The following TBCK variants were observed in gnomAD, a reference collection of about 807,000 sequenced individuals.
TBCK encodes the protein TBC1 domain containing kinase.
Under a neutral mutation model 113.4 loss-of-function variants are expected in TBCK, and 99 were observed. The ratio of observed to expected loss-of-function variants is 0.87; its 90% CI spans 0.74 to 1.03. The LOEUF (loss-of-function observed/expected upper bound fraction) is 1.03. Among genes scored for constraint, TBCK ranks in the 50% least tolerant of loss-of-function variants. The pLI is 0.00. For synonymous variants in TBCK, 369 were observed against 370.8 expected (o/e 1.00, Z 0.05); for missense variants, 1,045 against 1,061.3 (o/e 0.98, Z 0.21).
intron 25 of TBCK, among the ~76,000 whole-genome samples, chr4:106,081,504 C>A (rs1738870107): frequency 6.6e-6 from 1 of 152,120 alleles, no homozygotes; most frequent in Middle Eastern, 3.2e-3. Context: ...GAACAACACA[C>A]ACTGGGGCCT....
At chr4:106,269,968 T>TCA (rs1276397433) in intron 3 of TBCK, among the ~76,000 whole-genome samples, 1 of 152,108 alleles carries the variant, frequency 6.6e-6, no homozygotes, top group East Asian at 1.9e-4. Flanking sequence ...TGTTCCAACT[T>TCA]CACCCTGCCT....
chr4:106,200,059 ATCT>A (rs1412432495), intron 20 of TBCK, among the ~76,000 whole-genome samples: 5 of 152,084 alleles, frequency 3.3e-5, no homozygotes, highest in Non-Finnish European at 7.4e-5. Context: ...ATTTGACCTT[ATCT>A]TCTTGTTCAC....
chr4:106,217,266 G>T (rs1360772971), intron 19 of TBCK, among the ~76,000 whole-genome samples: 1 of 152,092 alleles, frequency 6.6e-6, no homozygotes, highest in Non-Finnish European at 1.5e-5. Flanking sequence ...ATATCATACT[G>T]AATGGGCAAA....
chr4:106,242,314 A>T (rs1158689980), intron 12 of TBCK, among the ~76,000 whole-genome samples, 156 bp downstream of exon 12: 1 of 152,108 alleles, frequency 6.6e-6, no homozygotes, highest in African/African-American at 2.4e-5. Flanking sequence ...ATAAAGCTGA[A>T]GTTGTACAGA....
At chr4:106,123,623 T>C (rs1199979650) in intron 23 of TBCK, among the ~76,000 whole-genome samples, 1 of 152,082 alleles carries the variant, frequency 6.6e-6, no homozygotes, top group African/African-American at 2.4e-5. Flanking sequence ...CTTCAAACTA[T>C]ACTACAAGGC....
chr4:106,152,971 T>A (rs1202985885), intron 23 of TBCK, among the ~76,000 whole-genome samples: 1 of 152,120 alleles, frequency 6.6e-6, no homozygotes, highest in Non-Finnish European at 1.5e-5. Flanking sequence ...TTTTGGTTAG[T>A]CTGGCTAAAC....
chr4:106,062,199 G>A (rs1441880518), intron 25 of TBCK, among the ~76,000 whole-genome samples: 1 of 151,808 alleles, frequency 6.6e-6, no homozygotes, highest in African/African-American at 2.4e-5. Flanking sequence ...TTTTAAACAA[G>A]TCCTTCCAGA....
chr4:106,066,499 C>A (rs760320214), intron 25 of TBCK, among the ~76,000 whole-genome samples: 2 of 151,822 alleles, frequency 1.3e-5, no homozygotes, highest in South Asian at 4.2e-4. Context: ...AAATTCTATA[C>A]CTTATTTGAA....
intron 23 of TBCK, among the ~76,000 whole-genome samples, chr4:106,121,297 A>T (rs1225116929): frequency 6.6e-6 from 1 of 151,066 alleles, no homozygotes; most frequent in Non-Finnish European, 1.5e-5. Context: ...ATAATGGTAA[A>T]GGGATCAATT....
At chr4:106,252,037 T>C in intron 5 of TBCK, 30 bp from the exon 6 acceptor site, 1 of 1,556,170 alleles carries the variant, frequency 6.4e-7, no homozygotes, top group South Asian at 1.2e-5. Flanking sequence ...TAATGAAAAA[T>C]TACAACAGGG....
At position 106,247,159 on chromosome 4, in the gene TBCK, T is replaced by C. The variant is rs767233770; in HGVS notation, c.911A>G (p.Asp304Gly). 5 of 1,613,036 alleles carry C rather than the reference T, an allele frequency of 3.1e-6. No individual in the cohort carries two copies. In the Admixed American group the frequency reaches 8.4e-5, roughly 27 times the overall value. ...LRCADLTLPE[D>G]ISQLCKDINN... ...ATTACCTTTACACAACTGACTGATA[T>C]CCTCAGGCAGAGTTAAATCAGCACA... Residue 304 changes from aspartate to glycine, a missense_variant, in exon 10 of 26, where the codon GAT becomes GGT. Coordinates refer to ENST00000394708, the MANE Select transcript of TBCK (RefSeq NM_001163435.3).
intron 20 of TBCK, among the ~76,000 whole-genome samples, chr4:106,210,122 T>C (rs187206729): frequency 1.6e-4 from 25 of 152,154 alleles, no homozygotes; most frequent in Admixed American, 9.8e-4. Flanking sequence ...TATGTTTGTA[T>C]AAAAAACAGC....
chr4:106,138,456 T>C (rs1368505723), intron 23 of TBCK, among the ~76,000 whole-genome samples: 1 of 141,546 alleles, frequency 7.1e-6, no homozygotes, highest in African/African-American at 2.5e-5. Flanking sequence ...TCAGAAGTGA[T>C]TCTAATTATG....
intron 5 of TBCK, among the ~76,000 whole-genome samples, chr4:106,255,629 G>C (rs181965983): frequency 6.6e-6 from 1 of 152,180 alleles, no homozygotes; most frequent in Non-Finnish European, 1.5e-5. Flanking sequence ...CCCTGGCTCA[G>C]AAAGTTCCTA....
intron 19 of TBCK, chr4:106,213,536 C>T (rs532260761): frequency 1.2e-3 from 181 of 154,986 alleles, no homozygotes; most frequent in Non-Finnish European, 2.0e-3. Context: ...CAAAGCAGGG[C>T]GAGGCATTGC....
chr4:106,072,600 G>A (rs1737609529), intron 25 of TBCK, among the ~76,000 whole-genome samples: 1 of 151,670 alleles, frequency 6.6e-6, no homozygotes. Flanking sequence ...CAAGGAGTAT[G>A]TTTGTAGTGT....
At chr4:106,050,363 C>T (rs760570762) in intron 25 of TBCK, among the ~76,000 whole-genome samples, 1 of 151,926 alleles carries the variant, frequency 6.6e-6, no homozygotes, top group Non-Finnish European at 1.5e-5. Flanking sequence ...AGATACAGAA[C>T]ACTAATACCC....
In TBCK at chr4:106,178,149, C is replaced by T. The variant is rs146013527; in HGVS notation, c.2060-6879G>A. 2.4e-3 allele frequency among the ~76,000 whole-genome samples: 367 copies of T among 152,012 alleles called. 2 individuals are homozygous for T. Among genetic ancestry groups the T allele is most frequent in the South Asian group, 7.7e-3 (37 of 4,824 alleles). On this transcript the variant is annotated intron_variant, in intron 22 of 25. Transcript: ENST00000394708. ...TGTTCACTGTTGGTTTAAAGAAATG[C>T]TACTGATTTTTATATGTTGATTTTG... is the stretch of plus-strand genomic sequence containing the variant.
chr4:106,149,831 A>G (rs1748272938), intron 23 of TBCK, among the ~76,000 whole-genome samples: 1 of 152,252 alleles, frequency 6.6e-6, no homozygotes, highest in South Asian at 2.1e-4. Context: ...CAGCAATAAC[A>G]GTGAAAGTGC....
Sources: allele counts gnomAD v4.1 joint callset (sites outside exome capture counted in the v4.1 genomes callset), GRCh38; gene constraint gnomAD v4.1.1; transcripts MANE v1.5; gene names NCBI Gene and HGNC (gene_info 2026-07-23, HGNC 2026-07-21).